MORC1: variants seen among roughly 807,000 people sequenced by gnomAD.
MORC1 encodes the protein MORC family CW-type zinc finger 1, also known as MORC family CW-type zinc finger protein 1.
In MORC1, 59 loss-of-function variants were observed where a neutral mutation model predicts 134.9. The observed-to-expected ratio is 0.44, with a 90% CI of 0.35 to 0.54. MORC1 has a LOEUF of 0.54. MORC1 is among the 20% of genes least tolerant of loss of function. MORC1 has a pLI of 0.00. For synonymous variants in MORC1, 395 were observed against 391.7 expected (o/e 1.01, Z -0.10); for missense variants, 947 against 1,134.5 (o/e 0.83, Z 2.37).
Position 108,996,286 on chromosome 3 carries a change from G to GCGCGCACACACACACACACACA in MORC1, c.2187+4270_2187+4271insTGTGTGTGTGTGTGTGTGCGCG. Among the ~76,000 whole-genome samples the GCGCGCACACACACACACACACA allele has an allele frequency of 4.3e-3, 628 of 146,438 alleles. 3 individuals carry two copies. Among genetic ancestry groups the GCGCGCACACACACACACACACA allele is most frequent in the Middle Eastern group, 0.018 (5 of 282 alleles). On this transcript the variant is annotated intron_variant, in intron 21 of 27. Coordinates refer to ENST00000232603, the MANE Select transcript of MORC1 (RefSeq NM_014429.4). ...CATGTGCGCGTGCGTGCGCGCGCGCGCACACACACACACACACACACAACT... is the reference window on the plus strand; with the variant it reads ...CATGTGCGCGTGCGTGCGCGCGCGCGCGCGCACACACACACACACACACACACACACACACACACACACAACT...
chr3:108,987,644 G>C (rs1559873993), intron 21 of MORC1, among the ~76,000 whole-genome samples: 1 of 151,896 alleles, frequency 6.6e-6, no homozygotes, highest in African/African-American at 2.4e-5. Flanking sequence ...GAGTGGATGG[G>C]GGACATTTGA....
intron 8 of MORC1, among the ~76,000 whole-genome samples, chr3:109,077,664 A>G (rs1182072679): frequency 6.6e-6 from 1 of 152,070 alleles, no homozygotes; most frequent in East Asian, 1.9e-4. Context: ...AAAAGTGGGG[A>G]GAGAAAAAAT....
In MORC1 at chr3:108,969,449, C is replaced by G. The variant is rs145183660; in HGVS notation, c.2604+220G>C. 3.0e-3 allele frequency among the ~76,000 whole-genome samples: 457 copies of G among 152,224 alleles called. 1 individual carries two copies. Among genetic ancestry groups the G allele is most frequent in the Non-Finnish European group, 4.5e-3 (308 of 68,008 alleles). Reference sequence around the variant, plus strand: ...TTCCTATTCAAGATACAGTCCTACTCCAAGTGTTTCATAGCTTTATGTTAT... The same window carrying G: ...TTCCTATTCAAGATACAGTCCTACTGCAAGTGTTTCATAGCTTTATGTTAT... On this transcript the variant is annotated intron_variant, in intron 26 of 27. Transcript: ENST00000232603.
At chr3:109,097,524 G>A (rs1228381907) in intron 6 of MORC1, among the ~76,000 whole-genome samples, 2 of 152,142 alleles carry the variant, frequency 1.3e-5, no homozygotes, top group Non-Finnish European at 2.9e-5. Context: ...GAAGAGAGGG[G>A]AAGGGAATCA....
intron 8 of MORC1, among the ~76,000 whole-genome samples, chr3:109,074,136 C>T (rs1184824665): frequency 1.3e-5 from 2 of 152,128 alleles, no homozygotes; most frequent in Non-Finnish European, 2.9e-5. Flanking sequence ...CATTACTTAG[C>T]ACAAAATTTC....
At chr3:109,111,054 A>T (rs1190345061) in intron 2 of MORC1, among the ~76,000 whole-genome samples, 1 of 150,508 alleles carries the variant, frequency 6.6e-6, no homozygotes. Context: ...ATAATTTAAA[A>T]AAAAAAAAAA....
chr3:109,028,645 T>C (rs944168260), intron 16 of MORC1, among the ~76,000 whole-genome samples: 2 of 152,218 alleles, frequency 1.3e-5, no homozygotes, highest in Admixed American at 1.3e-4. Flanking sequence ...AAGCATATGG[T>C]TTGGAAGGTT....
intron 9 of MORC1, among the ~76,000 whole-genome samples, chr3:109,063,840 T>C (rs1055562389): frequency 6.6e-6 from 1 of 152,058 alleles, no homozygotes; most frequent in Admixed American, 6.5e-5. Flanking sequence ...TGAGAAAAGC[T>C]CTACAGAACC....
chr3:109,063,258 C>CTGACTTGATT, intron 9 of MORC1, 27 bp from the exon 10 acceptor site: 2 of 1,414,572 alleles, frequency 1.4e-6, no homozygotes, highest in Non-Finnish European at 2.0e-6. Context: ...AGAACATAAT[C>CTGACTTGATT]AAGTCAGATT....
chr3:109,082,842 A>G (rs1281114912), intron 8 of MORC1, among the ~76,000 whole-genome samples: 2 of 152,206 alleles, frequency 1.3e-5, no homozygotes, highest in African/African-American at 2.4e-5. Flanking sequence ...ATAAAGCAAG[A>G]GCAAGGGTTA....
At chr3:109,077,767 C>T (rs1171084367) in intron 8 of MORC1, among the ~76,000 whole-genome samples, 1 of 151,912 alleles carries the variant, frequency 6.6e-6, no homozygotes. Context: ...AGAGCAAGTC[C>T]AGCCATAGCA....
Position 109,048,704 on chromosome 3 carries a change from G to A in MORC1, c.1330+6024C>T, listed in dbSNP as rs144448147. On this transcript the variant is annotated intron_variant, in intron 14 of 27. Coordinates refer to ENST00000232603, the MANE Select transcript of MORC1 (RefSeq NM_014429.4). Reference sequence around the variant, plus strand: ...GGCTTCCCTACTTTGCTTACAGATGGTCACCTTCTCCCTGTGTCCTCACAT... The same window carrying A: ...GGCTTCCCTACTTTGCTTACAGATGATCACCTTCTCCCTGTGTCCTCACAT... Among the ~76,000 whole-genome samples the A allele has an allele frequency of 2.0e-3, 298 of 152,244 alleles. 6 individuals carry two copies. The highest frequency in any genetic ancestry group is 0.013 in the Admixed American group (203 of 15,294).
intron 15 of MORC1, among the ~76,000 whole-genome samples, chr3:109,034,731 T>C (rs1949333920): frequency 6.9e-6 from 1 of 145,154 alleles, no homozygotes; most frequent in African/African-American, 2.4e-5. Flanking sequence ...TCTCTGCCTA[T>C]CAAAATTCTA....
intron 8 of MORC1, among the ~76,000 whole-genome samples, chr3:109,072,851 T>C (rs13063717): frequency 0.039 from 5,994 of 152,164 alleles, 250 homozygotes; most frequent in Middle Eastern, 0.11. Flanking sequence ...GAAGTGTCCA[T>C]ATCTCTATCT....
intron 8 of MORC1, 42 bp downstream of exon 8, chr3:109,093,394 C>T (rs746482965): frequency 2.7e-6 from 4 of 1,489,194 alleles, no homozygotes; most frequent in Non-Finnish European, 3.7e-6. Flanking sequence ...AACTCTAGCT[C>T]ACCACCATTG....
chr3:109,004,680 T>A, intron 20 of MORC1, 137 bp downstream of exon 20: 1 of 827,156 alleles, frequency 1.2e-6, no homozygotes, highest in Non-Finnish European at 1.9e-6. Flanking sequence ...TTTCAGAACC[T>A]TGATTACAGG....
rs993249860 is a variant in MORC1, at chr3:109,097,362, T to C, written c.423+1996A>G. Among the ~76,000 whole-genome samples the C allele has an allele frequency of 2.0e-5, 3 of 151,894 alleles. No individual in the cohort carries two copies. The East Asian group carries it at 5.8e-4, about 29-fold the overall frequency. ...GCCCAACTACCATTAAGTGTTAGGGTAGAATAAAAACCTTTTAATGCATGT... is the reference window on the plus strand; with the variant it reads ...GCCCAACTACCATTAAGTGTTAGGGCAGAATAAAAACCTTTTAATGCATGT... On this transcript the variant is annotated intron_variant, in intron 6 of 27. Coordinates refer to ENST00000232603, the MANE Select transcript of MORC1 (RefSeq NM_014429.4).
At chr3:109,029,959 T>C (rs1949202008) in intron 16 of MORC1, among the ~76,000 whole-genome samples, 1 of 152,220 alleles carries the variant, frequency 6.6e-6, no homozygotes, top group South Asian at 2.1e-4. Flanking sequence ...TTTTCTTCTC[T>C]GAGAAATGGG....
chr3:109,088,314 G>T (rs1950654901), intron 8 of MORC1, among the ~76,000 whole-genome samples: 1 of 152,108 alleles, frequency 6.6e-6, no homozygotes, highest in South Asian at 2.1e-4. Flanking sequence ...GAAAGTATTT[G>T]CAAACTATGC....
Sources: gnomAD v4.1 joint callset for allele counts (sites outside exome capture counted in the v4.1 genomes callset) on GRCh38, gnomAD v4.1.1 for gene constraint, MANE v1.5 for transcripts, NCBI Gene and HGNC (gene_info 2026-07-23, HGNC 2026-07-21) for gene names.